MOGAT2: variants seen among roughly 807,000 people sequenced by gnomAD.
The protein encoded by MOGAT2 is 2-acylglycerol O-acyltransferase 2.
In MOGAT2, 27 loss-of-function variants were observed where a neutral mutation model predicts 31.5. That is an observed-to-expected ratio of 0.86 (90% CI 0.63 to 1.18). MOGAT2 has a LOEUF of 1.18. Among genes scored for constraint, MOGAT2 ranks in the 50% most tolerant of loss-of-function variants. The pLI is 0.00. For synonymous variants in MOGAT2, 163 were observed against 170.0 expected (o/e 0.96, Z 0.32); for missense variants, 436 against 433.2 (o/e 1.01, Z -0.06).
chr11:75,728,436 C>A (rs1944442246), intron 4 of MOGAT2: 4 of 566,914 alleles, frequency 7.1e-6, no homozygotes, highest in Admixed American at 2.8e-5. Context: ...CATTTCAGAG[C>A]TGTTCTCCCT....
Position 75,728,896 on chromosome 11 carries a change from A to G in MOGAT2, c.757A>G (p.Ile253Val). Residue 253 changes from isoleucine to valine, a missense_variant, in exon 5 of 6, where the codon ATC (isoleucine) becomes GTC (valine). Transcript: ENST00000198801. ...LRYIQNRLQK[I>V]MGISLPLFHG... ...CTATATCCAGAATCGGTTGCAGAAG[A>G]TCATGGGCATCTCCCTCCCACTCTT... 4 of 1,614,162 alleles carry G rather than the reference A, an allele frequency of 2.5e-6. No homozygotes were observed. The highest frequency in any genetic ancestry group is 3.4e-6 in the Non-Finnish European group (4 of 1,180,030).
chr11:75,720,559 AGAG>A (rs893550437), intron 2 of MOGAT2, among the ~76,000 whole-genome samples: 2 of 152,184 alleles, frequency 1.3e-5, no homozygotes, highest in African/African-American at 4.8e-5. Context: ...ATTCATCAGA[AGAG>A]GAGGCTGACA....
At chr11:75,726,301 C>T (rs761875924) in intron 2 of MOGAT2, among the ~76,000 whole-genome samples, 1 of 152,162 alleles carries the variant, frequency 6.6e-6, no homozygotes, top group Non-Finnish European at 1.5e-5. Flanking sequence ...GTAAACAGGG[C>T]TAGAGCTTTC....
chr11:75,718,981 T>TCACACA (rs57949402), intron 1 of MOGAT2, among the ~76,000 whole-genome samples: 7 of 150,096 alleles, frequency 4.7e-5, no homozygotes, highest in African/African-American at 1.7e-4. Context: ...TCTCTCTCTC[T>TCACACA]CACACACACA....
intron 3 of MOGAT2, 76 bp from the exon 4 acceptor site, chr11:75,727,892 ATC>A: frequency 7.0e-7 from 1 of 1,421,132 alleles, no homozygotes; most frequent in Non-Finnish European, 9.5e-7. Flanking sequence ...ATTGCTGGTG[ATC>A]TCTTTATGGG....
chr11:75,728,742 C>A, intron 4 of MOGAT2, 48 bp from the exon 5 acceptor site: 1 of 1,546,620 alleles, frequency 6.5e-7, no homozygotes. Context: ...TCAGCTCGTG[C>A]CTTCTCTGGG....
rs1215931525 is a variant in MOGAT2, at chr11:75,731,197, CAGCGTTATATCAAAG to C, written c.920_934del (p.Arg307_Glu311del). On this transcript the variant is annotated inframe_deletion, in exon 6 of 6. Coordinates refer to ENST00000198801, the MANE Select transcript of MOGAT2 (RefSeq NM_025098.4). ...GGAGGAGGAGGTGAACCAGCTGCAC[CAGCGTTATATCAAAG>C]AGCTGTGCAACCTCTTCGAGGCCCA... is the stretch of plus-strand genomic sequence containing the variant. 1 of 1,613,936 alleles carries C rather than the reference CAGCGTTATATCAAAG, an allele frequency of 6.2e-7. No individual in the cohort carries two copies. The highest frequency in any genetic ancestry group is 8.5e-7 in the Non-Finnish European group (1 of 1,180,028).
intron 1 of MOGAT2, chr11:75,719,664 G>T: frequency 3.4e-6 from 1 of 295,366 alleles, no homozygotes; most frequent in Non-Finnish European, 6.4e-6. Flanking sequence ...AGCACTTAAT[G>T]AGTACAAACA....
intron 5 of MOGAT2, among the ~76,000 whole-genome samples, chr11:75,730,701 G>A (rs1944468709): frequency 6.6e-6 from 1 of 152,182 alleles, no homozygotes; most frequent in African/African-American, 2.4e-5. Flanking sequence ...ACAAGGTCAG[G>A]AATTCAAGAC....
intron 5 of MOGAT2, 106 bp downstream of exon 5, chr11:75,729,095 G>T (rs1395157157): frequency 9.5e-7 from 1 of 1,047,784 alleles, no homozygotes; most frequent in East Asian, 2.4e-5. Flanking sequence ...CCCTAATGGG[G>T]CTCACATTCT....
At chr11:75,721,177 T>C (rs1365360407) in intron 2 of MOGAT2, among the ~76,000 whole-genome samples, 2 of 152,180 alleles carry the variant, frequency 1.3e-5, no homozygotes, top group Non-Finnish European at 2.9e-5. Flanking sequence ...CGTAGGTAAG[T>C]TGGTCTCTCT....
chr11:75,725,073 G>A (rs1382275736), intron 2 of MOGAT2, among the ~76,000 whole-genome samples: 1 of 152,210 alleles, frequency 6.6e-6, no homozygotes, highest in Non-Finnish European at 1.5e-5. Context: ...TTGCACAAGT[G>A]TGAGAAATTC....
chr11:75,727,363 A>C (rs913933927), intron 2 of MOGAT2, 72 bp from the exon 3 acceptor site: 9 of 1,465,400 alleles, frequency 6.1e-6, no homozygotes, highest in Non-Finnish European at 5.6e-6. Context: ...TCCCAAGGTC[A>C]CACCAGTGAG....
intron 2 of MOGAT2, among the ~76,000 whole-genome samples, chr11:75,722,657 G>A (rs1187698518): frequency 6.6e-6 from 1 of 152,232 alleles, no homozygotes; most frequent in Non-Finnish European, 1.5e-5. Flanking sequence ...GAGGCCATTG[G>A]AGGACATTCC....
chr11:75,720,233 T>A, intron 2 of MOGAT2, 63 bp downstream of exon 2: 1 of 1,542,036 alleles, frequency 6.5e-7, no homozygotes, highest in Admixed American at 1.8e-5. Flanking sequence ...AGGGCCAGAG[T>A]GCCGACGTCT....
intron 2 of MOGAT2, among the ~76,000 whole-genome samples, chr11:75,726,691 C>A (rs1294102711): frequency 2.1e-5 from 3 of 144,346 alleles, no homozygotes; most frequent in Non-Finnish European, 4.5e-5. Flanking sequence ...TATGGAGGAA[C>A]ATTGATTTTT....
At chr11:75,729,210 C>T (rs976197490) in intron 5 of MOGAT2, among the ~76,000 whole-genome samples, 18 of 152,208 alleles carry the variant, frequency 1.2e-4, no homozygotes, top group African/African-American at 4.3e-4. Context: ...TTGCTGAGCA[C>T]CTGCTGTGTG....
intron 5 of MOGAT2, chr11:75,730,863 T>C (rs1242105007): frequency 2.6e-5 from 6 of 231,942 alleles, no homozygotes; most frequent in Admixed American, 1.9e-4. Flanking sequence ...TGCAGTGAGC[T>C]GAGATTGCGC....
At chr11:75,718,046 G>T in intron 1 of MOGAT2, 67 bp downstream of exon 1, 1 of 1,430,492 alleles carries the variant, frequency 7.0e-7, no homozygotes, top group South Asian at 1.2e-5. Context: ...GCCACACCAG[G>T]TGCACACAGC....
Sources: allele counts gnomAD v4.1 joint callset (sites outside exome capture counted in the v4.1 genomes callset), GRCh38; gene constraint gnomAD v4.1.1; transcripts MANE v1.5; gene names NCBI Gene and HGNC (gene_info 2026-07-23, HGNC 2026-07-21).